CNGB3: variants seen among roughly 807,000 people sequenced by gnomAD.
The protein encoded by CNGB3 is cyclic nucleotide-gated channel beta-3.
In CNGB3, 86 loss-of-function variants were observed where a neutral mutation model predicts 92.8. The observed-to-expected ratio is 0.93, with a 90% CI of 0.78 to 1.11. The LOEUF is 1.11. Ranked by LOEUF, CNGB3 falls within the 50% of genes least tolerant of loss-of-function variation. The probability of loss-of-function intolerance (pLI) is 0.00; values close to 1 mark genes in which losing one functional copy is unlikely to be tolerated. For missense variants in CNGB3, 1,026 were observed against 956.8 expected (o/e 1.07, Z -0.95); for synonymous variants, 333 against 332.7 (o/e 1.00, Z -0.01).
intron 14 of CNGB3, among the ~76,000 whole-genome samples, chr8:86,609,943 G>A (rs1822486463): frequency 6.6e-6 from 1 of 152,010 alleles, no homozygotes; most frequent in South Asian, 2.1e-4. Context: ...TCTAAATTAA[G>A]TGTCTTTGCC....
chr8:86,616,457 T>G (rs1563728024), intron 13 of CNGB3, among the ~76,000 whole-genome samples: 2 of 152,152 alleles, frequency 1.3e-5, no homozygotes, highest in Non-Finnish European at 2.9e-5. Flanking sequence ...TATTATTCTT[T>G]TTTTTCCTCC....
intron 15 of CNGB3, among the ~76,000 whole-genome samples, chr8:86,581,729 T>C (rs1436770943): frequency 1.3e-5 from 2 of 149,804 alleles, no homozygotes; most frequent in African/African-American, 2.5e-5. Context: ...CCCTTCTCCA[T>C]ACCTTACCCC....
At chr8:86,636,673 T>C (rs1349596596) in intron 10 of CNGB3, among the ~76,000 whole-genome samples, 1 of 145,810 alleles carries the variant, frequency 6.9e-6, no homozygotes, top group African/African-American at 2.5e-5. Context: ...CATTATGCCA[T>C]ACAGTAGATT....
intron 13 of CNGB3, among the ~76,000 whole-genome samples, chr8:86,623,052 T>G (rs1253260949): frequency 6.6e-6 from 1 of 152,296 alleles, no homozygotes; most frequent in Admixed American, 6.5e-5. Context: ...TTCTTCATCT[T>G]GTTTCTAATA....
chr8:86,577,412 T>G (rs750472618), intron 17 of CNGB3, among the ~76,000 whole-genome samples: 1 of 152,246 alleles, frequency 6.6e-6, no homozygotes, highest in Non-Finnish European at 1.5e-5. Flanking sequence ...GGTTATTTAT[T>G]TATATATCCA....
At chr8:86,628,477 G>A (rs1449379717) in intron 12 of CNGB3, among the ~76,000 whole-genome samples, 4 of 152,172 alleles carry the variant, frequency 2.6e-5, no homozygotes, top group Non-Finnish European at 4.4e-5. Flanking sequence ...CTGGGTAAGA[G>A]AGTGATATTG....
chr8:86,618,646 T>C (rs1385778154), intron 13 of CNGB3, among the ~76,000 whole-genome samples: 1 of 152,218 alleles, frequency 6.6e-6, no homozygotes, highest in Non-Finnish European at 1.5e-5. Context: ...GGAGTTCATT[T>C]AGATTATAAA....
chr8:86,577,941 G>T (rs922400905), intron 17 of CNGB3, among the ~76,000 whole-genome samples: 6 of 152,016 alleles, frequency 3.9e-5, no homozygotes, highest in Non-Finnish European at 7.4e-5. Context: ...ACAGAGTATT[G>T]CTCTGTCGCC....
At chr8:86,697,871 T>A (rs1392709263) in intron 3 of CNGB3, among the ~76,000 whole-genome samples, 1 of 146,106 alleles carries the variant, frequency 6.8e-6, no homozygotes, top group Admixed American at 7.0e-5. Context: ...AGTTCCCACC[T>A]ATGAGTGAGA....
At chr8:86,739,518 G>A in intron 2 of CNGB3, 137 bp downstream of exon 2, 1 of 1,353,444 alleles carries the variant, frequency 7.4e-7, no homozygotes, top group Non-Finnish European at 1.0e-6. Flanking sequence ...GAAATATTCA[G>A]ATCTTCAAAT....
intron 3 of CNGB3, among the ~76,000 whole-genome samples, chr8:86,694,407 C>T (rs1399867039): frequency 5.3e-4 from 81 of 151,442 alleles, no homozygotes; most frequent in African/African-American, 1.7e-3. Flanking sequence ...GGGCTGACCC[C>T]CACCTCCCTC....
intron 3 of CNGB3, among the ~76,000 whole-genome samples, chr8:86,700,497 C>G (rs1824534393): frequency 6.6e-6 from 1 of 152,134 alleles, no homozygotes; most frequent in African/African-American, 2.4e-5. Flanking sequence ...CAAAATGTCT[C>G]TTGGTTACAA....
At chr8:86,700,386 T>C (rs778047613) in intron 3 of CNGB3, among the ~76,000 whole-genome samples, 1 of 152,222 alleles carries the variant, frequency 6.6e-6, no homozygotes, top group Non-Finnish European at 1.5e-5. Flanking sequence ...TTTCCATGAA[T>C]GAATACTTTC....
At chr8:86,738,657 G>C (rs573837061) in intron 2 of CNGB3, among the ~76,000 whole-genome samples, 47 of 143,284 alleles carry the variant, frequency 3.3e-4, no homozygotes, top group Non-Finnish European at 2.7e-4. Context: ...GGCTAACACA[G>C]TGAAACCCCG....
intron 6 of CNGB3, among the ~76,000 whole-genome samples, chr8:86,655,483 C>T (rs911063296): frequency 1.3e-5 from 2 of 152,160 alleles, no homozygotes; most frequent in Non-Finnish European, 2.9e-5. Flanking sequence ...TCCCAGAGCT[C>T]AGAACATGTT....
At chr8:86,661,752 A>C in intron 6 of CNGB3, 1 of 1,586,100 alleles carries the variant, frequency 6.3e-7, no homozygotes, top group Non-Finnish European at 8.6e-7. Flanking sequence ...TCAAACATCC[A>C]GGTGCTTAGG....
chr8:86,604,445 C>T (rs1302731438), intron 14 of CNGB3, among the ~76,000 whole-genome samples: 3 of 152,120 alleles, frequency 2.0e-5, no homozygotes, highest in Non-Finnish European at 2.9e-5. Context: ...TACTGTTTGC[C>T]TCCCTTGGAT....
intron 2 of CNGB3, among the ~76,000 whole-genome samples, chr8:86,735,633 C>T (rs1825238058): frequency 1.3e-5 from 2 of 152,144 alleles, no homozygotes; most frequent in South Asian, 4.1e-4. Context: ...CAGAGAGCAT[C>T]AATCCAACTC....
chr8:86,628,687 T>A (rs1029383625), intron 12 of CNGB3, among the ~76,000 whole-genome samples: 10 of 151,908 alleles, frequency 6.6e-5, no homozygotes, highest in African/African-American at 9.7e-5. Context: ...ATACCGAGCA[T>A]CCAGAAGATG....
Sources: gnomAD v4.1 joint callset for allele counts (sites outside exome capture counted in the v4.1 genomes callset) on GRCh38, gnomAD v4.1.1 for gene constraint, MANE v1.5 for transcripts, NCBI Gene and HGNC (gene_info 2026-07-23, HGNC 2026-07-21) for gene names.